Variants in LRRTM4 observed in about 807,000 individuals in gnomAD.
LRRTM4 encodes leucine rich repeat transmembrane neuronal 4, also known as leucine-rich repeat transmembrane neuronal protein 4.
In LRRTM4, 25 loss-of-function variants were observed where a neutral mutation model predicts 47.6. The ratio of observed to expected loss-of-function variants is 0.53; its 90% CI spans 0.38 to 0.73. LRRTM4 has a LOEUF of 0.73. LRRTM4 is among the 30% of genes least tolerant of loss of function. The pLI is 0.00. For missense variants in LRRTM4, 638 were observed against 713.4 expected (o/e 0.89, Z 1.20); for synonymous variants, 311 against 269.5 (o/e 1.15, Z -1.51).
rs549553143 is a variant in LRRTM4 at position 77,073,669 on chromosome 2, A to G, written c.1552-324753T>C. On this transcript the variant is annotated intron_variant, in intron 3 of 3. Transcript: ENST00000409884. ...TTCAAATACATTGAAAAATATGGGTATAATGAGTGAATGTGAATATAAGAT... is the reference window on the plus strand; with the variant it reads ...TTCAAATACATTGAAAAATATGGGTGTAATGAGTGAATGTGAATATAAGAT... 1.2e-4 allele frequency among the ~76,000 whole-genome samples: 18 copies of G among 152,302 alleles called. No individual in the cohort carries two copies. The East Asian group carries it at 3.1e-3, about 26-fold the overall frequency.
intron 3 of LRRTM4, among the ~76,000 whole-genome samples, chr2:76,935,999 A>C (rs1364661550): frequency 6.6e-6 from 1 of 152,140 alleles, no homozygotes; most frequent in Non-Finnish European, 1.5e-5. Context: ...TGGAAGTGTA[A>C]ATTAGTTCAA....
intron 3 of LRRTM4, among the ~76,000 whole-genome samples, chr2:77,363,614 G>A (rs555020900): frequency 3.9e-5 from 6 of 152,244 alleles, no homozygotes; most frequent in African/African-American, 7.2e-5. Context: ...CATCCAATCC[G>A]AAATTCTATT....
At chr2:77,199,547 A>C (rs1274399657) in intron 3 of LRRTM4, among the ~76,000 whole-genome samples, 1 of 152,136 alleles carries the variant, frequency 6.6e-6, no homozygotes, top group Non-Finnish European at 1.5e-5. Flanking sequence ...AAAAAAATGT[A>C]TTGAGACCAG....
intron 3 of LRRTM4, among the ~76,000 whole-genome samples, chr2:76,968,340 GTATATATATATATATA>G (rs61103340): frequency 0.017 from 1,282 of 76,642 alleles, 27 homozygotes; most frequent in African/African-American, 0.04. Flanking sequence ...GTGTATGTGT[GTATATATATATATATA>G]TATATATATA....
At chr2:77,387,485 C>A (rs139120821) in intron 3 of LRRTM4, among the ~76,000 whole-genome samples, 3 of 152,232 alleles carry the variant, frequency 2.0e-5, no homozygotes, top group East Asian at 1.9e-4. Context: ...GGGTTTCTTA[C>A]ACTCAAGGTC....
intron 3 of LRRTM4, among the ~76,000 whole-genome samples, chr2:76,971,950 T>A (rs1193315939): frequency 6.6e-6 from 1 of 152,068 alleles, no homozygotes; most frequent in Non-Finnish European, 1.5e-5. Flanking sequence ...AGTGCTGTAT[T>A]TCATTGCACA....
intron 3 of LRRTM4, among the ~76,000 whole-genome samples, chr2:76,984,165 C>T (rs946030432): frequency 6.8e-6 from 1 of 146,896 alleles, no homozygotes; most frequent in African/African-American, 2.5e-5. Context: ...AGAAGAAAAT[C>T]ATCTGACTGA....
intron 3 of LRRTM4, among the ~76,000 whole-genome samples, chr2:76,802,994 A>G (rs1408188140): frequency 3.3e-5 from 5 of 152,176 alleles, no homozygotes; most frequent in African/African-American, 1.2e-4. Flanking sequence ...ATACTATAAA[A>G]CAAGTAGTAG....
chr2:76,859,207 G>A (rs997558614), intron 3 of LRRTM4, among the ~76,000 whole-genome samples: 1 of 152,144 alleles, frequency 6.6e-6, no homozygotes, highest in African/African-American at 2.4e-5. Flanking sequence ...TTGAGTGCAA[G>A]GGTGTTGGAG....
chr2:77,520,420 A>C lies in LRRTM4; in HGVS notation c.5-556T>G, dbSNP rs753167087. On this transcript the variant is annotated intron_variant, in intron 2 of 3. Transcript: ENST00000409884. ...TAGGATCGCAATATGTGAGCTCTGA[A>C]AAAACAGCATTGAGACTAGTATAGG... is the stretch of plus-strand genomic sequence containing the variant. Among the ~76,000 whole-genome samples, 59 of 152,076 alleles carry C rather than the reference A, an allele frequency of 3.9e-4. 1 individual carries two copies. Among genetic ancestry groups the C allele is most frequent in the Non-Finnish European group, 6.2e-4 (42 of 67,994 alleles).
At chr2:76,806,537 C>G (rs544454830) in intron 3 of LRRTM4, among the ~76,000 whole-genome samples, 2 of 152,056 alleles carry the variant, frequency 1.3e-5, no homozygotes, top group African/African-American at 2.4e-5. Flanking sequence ...GCCAAGATCA[C>G]GTCATTGCAC....
chr2:76,873,506 G>GTGTATATATATATATACATA (rs367573475), intron 3 of LRRTM4, among the ~76,000 whole-genome samples: 1 of 112,312 alleles, frequency 8.9e-6, no homozygotes, highest in Non-Finnish European at 1.9e-5. Flanking sequence ...ATATATGTGT[G>GTGTATATATATATATACATA]TATATATATA....
chr2:76,754,913 C>T (rs1163190235), intron 3 of LRRTM4, among the ~76,000 whole-genome samples: 1 of 152,090 alleles, frequency 6.6e-6, no homozygotes, highest in Non-Finnish European at 1.5e-5. Flanking sequence ...TCATCACAAG[C>T]ACATGTGCAC....
intron 3 of LRRTM4, among the ~76,000 whole-genome samples, chr2:76,775,071 C>T (rs941608760): frequency 2.6e-5 from 4 of 152,132 alleles, no homozygotes; most frequent in Non-Finnish European, 5.9e-5. Context: ...GAAACCCTCC[C>T]CTGACTTTTT....
chr2:76,959,618 T>C (rs1266141990), intron 3 of LRRTM4, among the ~76,000 whole-genome samples: 1 of 151,674 alleles, frequency 6.6e-6, no homozygotes, highest in Non-Finnish European at 1.5e-5. Context: ...AAAGACTTAC[T>C]CCTATTGGAA....
chr2:77,178,424 G>A (rs376287027), intron 3 of LRRTM4, among the ~76,000 whole-genome samples: 28 of 151,872 alleles, frequency 1.8e-4, no homozygotes, highest in South Asian at 6.2e-4. Flanking sequence ...CGTCTCTACC[G>A]AAAAAACAAA....
chr2:77,069,766 T>C (rs1162520619), intron 3 of LRRTM4, among the ~76,000 whole-genome samples: 1 of 152,196 alleles, frequency 6.6e-6, no homozygotes, highest in African/African-American at 2.4e-5. Flanking sequence ...TGTGGGTGGC[T>C]TTCTAGATTC....
chr2:77,290,835 C>T (rs1327769136), intron 3 of LRRTM4, among the ~76,000 whole-genome samples: 1 of 151,978 alleles, frequency 6.6e-6, no homozygotes, highest in Non-Finnish European at 1.5e-5. Flanking sequence ...TCCAGCCATA[C>T]ATGATTATTT....
intron 3 of LRRTM4, among the ~76,000 whole-genome samples, chr2:77,206,460 C>T (rs1000497722): frequency 3.3e-5 from 5 of 151,988 alleles, no homozygotes; most frequent in Non-Finnish European, 5.9e-5. Context: ...GCTGGGATTA[C>T]AGATGTAAGC....
Sources: allele counts gnomAD v4.1 joint callset (sites outside exome capture counted in the v4.1 genomes callset), GRCh38; gene constraint gnomAD v4.1.1; transcripts MANE v1.5; gene names NCBI Gene and HGNC (gene_info 2026-07-23, HGNC 2026-07-21).